The following VPS13B variants were observed in gnomAD, a reference collection of about 807,000 sequenced individuals.
VPS13B encodes the protein vacuolar protein sorting 13 homolog B.
In VPS13B, 285 loss-of-function variants were observed where a neutral mutation model predicts 426.4. The observed-to-expected ratio is 0.67, with a 90% CI of 0.61 to 0.74. VPS13B has a LOEUF of 0.74. Among genes scored for constraint, VPS13B ranks in the 30% least tolerant of loss-of-function variants. The pLI is 0.00. For synonymous variants in VPS13B, 1,676 were observed against 1,676.4 expected (o/e 1.00, Z 0.01); for missense variants, 4,537 against 4,782.6 (o/e 0.95, Z 1.51).
At chr8:99,134,827 T>C in intron 9 of VPS13B, 100 bp downstream of exon 9, 1 of 1,206,782 alleles carries the variant, frequency 8.3e-7, no homozygotes, top group African/African-American at 1.5e-5. Context: ...AAAATACAAG[T>C]AAGATGTTTG....
chr8:99,403,461 A>C (rs1487591435), intron 21 of VPS13B, among the ~76,000 whole-genome samples: 1 of 151,750 alleles, frequency 6.6e-6, no homozygotes, highest in Non-Finnish European at 1.5e-5. Flanking sequence ...AGGCAGGAGA[A>C]TCGCTCGAAC....
At chr8:99,523,397 C>T (rs77116274) in intron 30 of VPS13B, among the ~76,000 whole-genome samples, 9,652 of 152,266 alleles carry the variant, frequency 0.063, 409 homozygotes, top group African/African-American at 0.12. Flanking sequence ...GTGGTTACCA[C>T]GGGCATTGGG....
rs935913762 is a variant in VPS13B at position 99,082,103 on chromosome 8, C to T, written c.292-14209C>T. Among the ~76,000 whole-genome samples, 10 of 152,302 alleles carry T rather than the reference C, an allele frequency of 6.6e-5. 1 individual carries two copies. The highest frequency in any genetic ancestry group is 2.2e-4 in the African/African-American group (9 of 41,568). ...ACAGTGTAAAAGTGTTCCTGTTTCT[C>T]CACATCCTCTCCAGCACCTGTTGTT... On this transcript the variant is annotated intron_variant, in intron 3 of 61. Coordinates refer to ENST00000357162, the MANE Select transcript of VPS13B (RefSeq NM_152564.5).
chr8:99,229,819 T>C (rs1816228714), intron 17 of VPS13B, among the ~76,000 whole-genome samples: 6 of 152,166 alleles, frequency 3.9e-5, no homozygotes, highest in Admixed American at 2.6e-4. Context: ...TCAAATAGCA[T>C]TGGGAGGTCA....
intron 8 of VPS13B, among the ~76,000 whole-genome samples, chr8:99,128,927 C>T (rs1161633514): frequency 6.6e-6 from 1 of 151,868 alleles, no homozygotes; most frequent in Non-Finnish European, 1.5e-5. Context: ...ATCATGAGGT[C>T]AGGAGTTCAA....
chr8:99,444,963 A>G (rs1402571680), intron 23 of VPS13B, among the ~76,000 whole-genome samples: 3 of 151,974 alleles, frequency 2.0e-5, no homozygotes, highest in Non-Finnish European at 4.4e-5. Context: ...ATTTTCTTCT[A>G]TTCAAATCTT....
At chr8:99,260,939 C>CT (rs1000622058) in intron 17 of VPS13B, among the ~76,000 whole-genome samples, 7 of 151,654 alleles carry the variant, frequency 4.6e-5, no homozygotes, top group African/African-American at 1.7e-4. Flanking sequence ...TTAAGTTTTT[C>CT]TTTTTTTAAA....
At chr8:99,403,580 G>A (rs1169627925) in intron 21 of VPS13B, among the ~76,000 whole-genome samples, 1 of 151,856 alleles carries the variant, frequency 6.6e-6, no homozygotes, top group Non-Finnish European at 1.5e-5. Context: ...TAATTGAAGA[G>A]GATTTTGCTT....
In VPS13B at chr8:99,819,661, A is replaced by G. The variant is rs953804827; in HGVS notation, c.8792+79A>G. The G allele has an allele frequency of 7.4e-6, 11 of 1,484,006 alleles. No individual in the cohort carries two copies. The African/African-American group carries it at 9.8e-5, about 13-fold the overall frequency. The allele number at this position is 1,484,006 out of a possible 1,614,324, so 91.9% of individuals were successfully genotyped here. ...ATCATTCACAAAAATATTAAATACCATAAGTGGTGTGTGCATGTATCTGTC... is the reference window on the plus strand; with the variant it reads ...ATCATTCACAAAAATATTAAATACCGTAAGTGGTGTGTGCATGTATCTGTC... On this transcript the variant is annotated intron_variant, in intron 48 of 61. Coordinates refer to ENST00000357162, the MANE Select transcript of VPS13B (RefSeq NM_152564.5).
At chr8:99,470,215 T>C (rs920359713) in intron 24 of VPS13B, among the ~76,000 whole-genome samples, 1 of 152,170 alleles carries the variant, frequency 6.6e-6, no homozygotes, top group Non-Finnish European at 1.5e-5. Flanking sequence ...AGATATCTCT[T>C]AGCATGGCAG....
intron 2 of VPS13B, among the ~76,000 whole-genome samples, chr8:99,034,821 C>T (rs747833127): frequency 6.6e-6 from 1 of 152,092 alleles, no homozygotes; most frequent in Non-Finnish European, 1.5e-5. Context: ...TTGCCGAGCT[C>T]CTCATTCAGC....
intron 30 of VPS13B, among the ~76,000 whole-genome samples, chr8:99,522,337 A>T (rs1363300165): frequency 3.9e-5 from 6 of 152,206 alleles, no homozygotes; most frequent in Non-Finnish European, 5.9e-5. Flanking sequence ...AGGTTATATT[A>T]AGAGATCCTA....
rs999652856 is a variant in VPS13B, at chr8:99,497,186, A to G, written c.3871-4501A>G. On this transcript the variant is annotated intron_variant, in intron 25 of 61. Transcript: ENST00000357162. ...AAATATATTTATATATTTAATATAT[A>G]AATACATGTATTTATATATTTAATA... Among the ~76,000 whole-genome samples the G allele has an allele frequency of 3.5e-5, 5 of 140,896 alleles. No individual in the cohort carries two copies. The South Asian group carries it at 6.4e-4, about 18-fold the overall frequency. The allele number at this position is 140,896 out of a possible 152,430, so 92.4% of individuals were successfully genotyped here.
At chr8:99,513,731 A>G (rs1226146761) in intron 29 of VPS13B, among the ~76,000 whole-genome samples, 1 of 152,350 alleles carries the variant, frequency 6.6e-6, no homozygotes, top group Admixed American at 6.5e-5. Flanking sequence ...TAGAAGACGA[A>G]CCAAATGTGT....
At chr8:99,670,202 A>G (rs1420421616) in intron 35 of VPS13B, among the ~76,000 whole-genome samples, 3 of 152,112 alleles carry the variant, frequency 2.0e-5, no homozygotes, top group Admixed American at 1.3e-4. Context: ...GAGGATTGAG[A>G]TACCTGGAAA....
intron 43 of VPS13B, among the ~76,000 whole-genome samples, chr8:99,808,945 G>A (rs1042006304): frequency 6.6e-6 from 1 of 151,606 alleles, no homozygotes; most frequent in South Asian, 2.1e-4. Flanking sequence ...AAGAAAAAAG[G>A]TATGACAATT....
intron 3 of VPS13B, among the ~76,000 whole-genome samples, chr8:99,084,407 C>G (rs1447138973): frequency 2.6e-5 from 4 of 152,112 alleles, no homozygotes; most frequent in East Asian, 1.9e-4. Context: ...AACACCAGCT[C>G]CTGGATTCTT....
intron 3 of VPS13B, among the ~76,000 whole-genome samples, chr8:99,074,383 C>T (rs1489326525): frequency 6.6e-6 from 1 of 151,460 alleles, no homozygotes; most frequent in Non-Finnish European, 1.5e-5. Flanking sequence ...TTGAATCGTC[C>T]TTTCATCCCT....
At chr8:99,813,987 T>C (rs1028825140) in intron 44 of VPS13B, among the ~76,000 whole-genome samples, 1 of 151,830 alleles carries the variant, frequency 6.6e-6, no homozygotes, top group Admixed American at 6.6e-5. Flanking sequence ...TAAAATAAAA[T>C]ACATTAGCCA....
Sources: allele counts gnomAD v4.1 joint callset (sites outside exome capture counted in the v4.1 genomes callset), GRCh38; gene constraint gnomAD v4.1.1; transcripts MANE v1.5; gene names NCBI Gene and HGNC (gene_info 2026-07-23, HGNC 2026-07-21).